The following CCDC81 variants were observed in gnomAD, a reference collection of about 807,000 sequenced individuals.
CCDC81 encodes the protein coiled-coil domain-containing protein 81.
A neutral mutation model predicts 83.7 loss-of-function variants in CCDC81; 79 were observed. That is an observed-to-expected ratio of 0.94 (90% confidence interval 0.79 to 1.14). CCDC81 has a LOEUF of 1.14. Among genes scored for constraint, CCDC81 ranks in the 50% most tolerant of loss-of-function variants. The probability of loss-of-function intolerance (pLI) is 0.00; values close to 1 mark genes in which losing one functional copy is unlikely to be tolerated. For synonymous variants in CCDC81, 252 were observed against 278.1 expected, an observed-to-expected ratio of 0.91 and a Z score of 0.93; for missense variants, 791 against 778.1, an observed-to-expected ratio of 1.02 and a Z score of -0.20.
rs149825851 is a variant in CCDC81, at chr11:86,415,113, G to A, written c.1491G>A (p.Arg497=). 546 of 1,613,990 alleles carry A rather than the reference G, an allele frequency of 3.4e-4. No individual in the cohort carries two copies. The highest frequency in any genetic ancestry group is 4.6e-4 in the Non-Finnish European group (537 of 1,180,024). ...LDAQIKNKPS[R]LPPFEPDSSE... is the part of the protein sequence containing the mutation. ...TTAAGATAAAGAACAAACCCTCTCG[G>A]CTGCCCCCCTTTGAGCCAGACTCCT... is the stretch of plus-strand genomic sequence containing the variant. The change falls in exon 13 of 15, where the codon CGG becomes CGA. Residue 497 remains arginine (R), a synonymous_variant. Coordinates refer to ENST00000445632, the MANE Select transcript of CCDC81 (RefSeq NM_001156474.2).
chr11:86,395,378 G>A lies in CCDC81; in HGVS notation c.600G>A (p.Leu200=), dbSNP rs147436959. Residue 200 remains leucine (L), a synonymous_variant, in exon 5 of 15, where the codon TTG becomes TTA. Coordinates refer to ENST00000445632, the MANE Select transcript of CCDC81 (RefSeq NM_001156474.2). ...VDSVLSSREA[L]RKWPSSVLAF... ...CGGTGTTGTCTAGCAGAGAGGCCTT[G>A]AGGAAGTGGCCCAGCAGTGTGCTTG... 6.2e-7 allele frequency: 1 copy of A among 1,614,134 alleles called. No homozygotes were observed. Among genetic ancestry groups the A allele is most frequent in the East Asian group, 2.2e-5 (1 of 44,880 alleles).
At chr11:86,385,900 T>C in intron 1 of CCDC81, 151 bp from the exon 2 acceptor site, 1 of 321,302 alleles carries the variant, frequency 3.1e-6, no homozygotes, top group Non-Finnish European at 5.9e-6. Context: ...CTTTTGGGAA[T>C]GGCCTTGTTT....
intron 4 of CCDC81, 91 bp downstream of exon 4, chr11:86,392,888 G>A: frequency 1.4e-6 from 2 of 1,385,674 alleles, no homozygotes; most frequent in Non-Finnish European, 1.9e-6. Context: ...AACGAAGGTT[G>A]ACATATTTTG....
intron 14 of CCDC81, among the ~76,000 whole-genome samples, chr11:86,421,600 G>A (rs117670410): frequency 0.014 from 2,073 of 152,334 alleles, 21 homozygotes; most frequent in Middle Eastern, 0.031. Flanking sequence ...GTAAGCCACC[G>A]CGCCCGGCCG....
intron 13 of CCDC81, among the ~76,000 whole-genome samples, chr11:86,417,039 T>A (rs1191896064): frequency 6.6e-6 from 1 of 151,630 alleles, no homozygotes; most frequent in South Asian, 2.1e-4. Flanking sequence ...AGCCCAGGAG[T>A]TTGAGACCAG....
At chr11:86,401,316 C>G (rs1036031422) in intron 7 of CCDC81, among the ~76,000 whole-genome samples, 3 of 152,090 alleles carry the variant, frequency 2.0e-5, no homozygotes, top group African/African-American at 7.2e-5. Context: ...TTATCCTTCT[C>G]TCTGAGTAGG....
At chr11:86,396,309 C>CATGA (rs1319361582) in intron 5 of CCDC81, among the ~76,000 whole-genome samples, 1 of 152,104 alleles carries the variant, frequency 6.6e-6, no homozygotes, top group African/African-American at 2.4e-5. Context: ...AATGAAGCAA[C>CATGA]ATGGTGCACT....
chr11:86,385,718 T>C (rs1227829429), intron 1 of CCDC81, among the ~76,000 whole-genome samples: 1 of 152,204 alleles, frequency 6.6e-6, no homozygotes, highest in Non-Finnish European at 1.5e-5. Flanking sequence ...TGCTGGGTCA[T>C]TAAGAAAAGG....
In CCDC81 at chr11:86,394,765, T is replaced by C. The variant is rs568703779; in HGVS notation, c.556-569T>C. Among the ~76,000 whole-genome samples the C allele has an allele frequency of 2.0e-5, 3 of 152,330 alleles. No homozygotes were observed. In the East Asian group the frequency reaches 5.8e-4, roughly 29 times the overall value. On this transcript the variant is annotated intron_variant, in intron 4 of 14. Transcript: ENST00000445632. ...TTAAAATGTGACAATGTGACTATTA[T>C]GTTTACAGTTACATGAGAATTAAAA...
intron 2 of CCDC81, 24 bp downstream of exon 2, chr11:86,386,136 T>C (rs777266364): frequency 2.3e-6 from 2 of 880,894 alleles, no homozygotes; most frequent in South Asian, 3.4e-5. Context: ...ATTTATTAAT[T>C]TATTAATAAA....
At chr11:86,415,390 G>A (rs1247152392) in intron 13 of CCDC81, 77 bp downstream of exon 13, 2 of 1,131,956 alleles carry the variant, frequency 1.8e-6, no homozygotes, top group Non-Finnish European at 2.6e-6. Flanking sequence ...TTTCCACCCT[G>A]TCCCTGCCCC....
At chr11:86,418,767 G>A (rs1046885242) in intron 13 of CCDC81, among the ~76,000 whole-genome samples, 4 of 152,128 alleles carry the variant, frequency 2.6e-5, no homozygotes, top group African/African-American at 9.7e-5. Flanking sequence ...GTTTTGTAAC[G>A]TGAAGGCGTT....
chr11:86,402,028 G>A (rs1339654402), intron 7 of CCDC81, among the ~76,000 whole-genome samples: 1 of 151,398 alleles, frequency 6.6e-6, no homozygotes, highest in African/African-American at 2.4e-5. Flanking sequence ...CCAGCTACAT[G>A]GGAGGCTGAG....
chr11:86,408,036 T>C, intron 8 of CCDC81, 91 bp from the exon 9 acceptor site: 1 of 1,284,544 alleles, frequency 7.8e-7, no homozygotes, highest in Non-Finnish European at 1.1e-6. Context: ...GGTTTCTTGA[T>C]ATACCTAGCC....
At chr11:86,408,736 T>G (rs779215530) in intron 9 of CCDC81, among the ~76,000 whole-genome samples, 9 of 152,236 alleles carry the variant, frequency 5.9e-5, no homozygotes, top group Non-Finnish European at 8.8e-5. Flanking sequence ...GCGTTGAAGT[T>G]TTCACTAATA....
intron 3 of CCDC81, among the ~76,000 whole-genome samples, chr11:86,390,788 T>C (rs1948317901): frequency 6.6e-6 from 1 of 151,974 alleles, no homozygotes; most frequent in African/African-American, 2.4e-5. Flanking sequence ...TTATAGAGAA[T>C]GAAGGGGAAA....
intron 13 of CCDC81, among the ~76,000 whole-genome samples, chr11:86,418,783 G>A (rs138598495): frequency 1.3e-5 from 2 of 152,134 alleles, no homozygotes; most frequent in Admixed American, 1.3e-4. Flanking sequence ...GCGTTCTGGA[G>A]ATTGGGTGCA....
At chr11:86,392,875 A>G (rs1228786122) in intron 4 of CCDC81, 78 bp downstream of exon 4, 1 of 1,441,196 alleles carries the variant, frequency 6.9e-7, no homozygotes, top group African/African-American at 1.4e-5. Context: ...TGTAATTAAG[A>G]AAAACGAAGG....
At chr11:86,379,946 G>A (rs919430998) in intron 1 of CCDC81, among the ~76,000 whole-genome samples, 3 of 151,956 alleles carry the variant, frequency 2.0e-5, no homozygotes, top group Non-Finnish European at 4.4e-5. Context: ...AGACTGCACC[G>A]TTGCACTCCA....
Sources: gnomAD v4.1 joint callset for allele counts (sites outside exome capture counted in the v4.1 genomes callset) on GRCh38, gnomAD v4.1.1 for gene constraint, MANE v1.5 for transcripts, NCBI Gene and HGNC (gene_info 2026-07-23, HGNC 2026-07-21) for gene names.